FNIP1: variants seen among roughly 807,000 people sequenced by gnomAD.
The protein encoded by FNIP1 is folliculin interacting protein 1, also known as folliculin-interacting protein 1.
A neutral mutation model predicts 124.5 loss-of-function variants in FNIP1; 40 were observed. The ratio of observed to expected loss-of-function variants is 0.32; its 90% CI spans 0.25 to 0.42. The LOEUF (loss-of-function observed/expected upper bound fraction) is 0.42. FNIP1 is among the 10% of genes least tolerant of loss of function. The probability of loss-of-function intolerance (pLI) is 1.00; values close to 1 mark genes in which losing one functional copy is unlikely to be tolerated. For missense variants in FNIP1, 1,176 were observed against 1,403.7 expected, an observed-to-expected ratio of 0.84 and a Z score of 2.59; for synonymous variants, 472 against 470.6, an observed-to-expected ratio of 1.00 and a Z score of -0.04.
intron 8 of FNIP1, 147 bp from the exon 9 acceptor site, chr5:131,706,693 C>T: frequency 1.2e-6 from 1 of 825,228 alleles, no homozygotes; most frequent in Non-Finnish European, 1.7e-6. Context: ...ACACATCCTT[C>T]TTGTAGCAAG....
chr5:131,699,375 G>A (rs1428691181), intron 10 of FNIP1, among the ~76,000 whole-genome samples: 1 of 149,234 alleles, frequency 6.7e-6, no homozygotes, highest in Non-Finnish European at 1.5e-5. Context: ...ATATTTCACA[G>A]ATAACACTTC....
At chr5:131,729,222 A>G (rs1472738243) in intron 3 of FNIP1, among the ~76,000 whole-genome samples, 1 of 152,176 alleles carries the variant, frequency 6.6e-6, no homozygotes. Context: ...GTGCTGAGAG[A>G]TCCACTGTTC....
intron 15 of FNIP1, among the ~76,000 whole-genome samples, chr5:131,667,579 T>C (rs1462406514): frequency 1.3e-5 from 2 of 151,656 alleles, no homozygotes; most frequent in Non-Finnish European, 2.9e-5. Context: ...GTTTTTTTGT[T>C]TGTTTGTTTG....
At chr5:131,688,698 C>T (rs1225815833) in intron 11 of FNIP1, among the ~76,000 whole-genome samples, 1 of 83,722 alleles carries the variant, frequency 1.2e-5, no homozygotes, top group African/African-American at 3.7e-5. Flanking sequence ...GAAATGCTAG[C>T]AATTAAAAAA....
intron 11 of FNIP1, among the ~76,000 whole-genome samples, chr5:131,679,673 C>A (rs149194072): frequency 6.6e-6 from 1 of 152,178 alleles, no homozygotes; most frequent in Non-Finnish European, 1.5e-5. Flanking sequence ...TTAAGGACAG[C>A]GAGAACAGTA....
intron 15 of FNIP1, among the ~76,000 whole-genome samples, chr5:131,657,785 G>T (rs569894197): frequency 2.9e-5 from 4 of 137,520 alleles, no homozygotes; most frequent in African/African-American, 8.5e-5. Context: ...TCAAGATACG[G>T]ATCTTGCAAC....
At chr5:131,710,719 C>A in intron 6 of FNIP1, 58 bp from the exon 7 acceptor site, 2 of 1,484,998 alleles carry the variant, frequency 1.3e-6, no homozygotes, top group South Asian at 1.2e-5. Context: ...AGCCACAATG[C>A]GTCAGGGAAA....
chr5:131,751,582 AAAG>A lies in FNIP1; in HGVS notation c.93-6895_93-6893del, dbSNP rs534276949. Among the ~76,000 whole-genome samples, 564 of 152,122 alleles carry A rather than the reference AAAG, an allele frequency of 3.7e-3. 4 individuals are homozygous for A. Among genetic ancestry groups the A allele is most frequent in the African/African-American group, 0.013 (550 of 41,482 alleles). ...GGATTCCACAATCTGAAAAAAAAAAAAAGAAGAAGAAAAAACAAATGTGCTTTC... is the reference window on the plus strand; with the variant it reads ...GGATTCCACAATCTGAAAAAAAAAAAAAGAAGAAAAAACAAATGTGCTTTC... On this transcript the variant is annotated intron_variant, in intron 1 of 17. Transcript: ENST00000510461.
At chr5:131,742,139 A>AT (rs1770532146) in intron 2 of FNIP1, among the ~76,000 whole-genome samples, 1 of 152,120 alleles carries the variant, frequency 6.6e-6, no homozygotes, top group South Asian at 2.1e-4. Flanking sequence ...TTATGTTCTA[A>AT]TTTTTTTAAA....
At chr5:131,717,216 C>G (rs1442611248) in intron 5 of FNIP1, among the ~76,000 whole-genome samples, 4 of 150,870 alleles carry the variant, frequency 2.7e-5, no homozygotes, top group Non-Finnish European at 4.4e-5. Context: ...CAACTCCCAT[C>G]TATGAGTGAG....
rs540629682 is a variant in FNIP1, at chr5:131,701,791, A to G, written c.1116+2274T>C. On this transcript the variant is annotated intron_variant, in intron 10 of 17. Transcript: ENST00000510461. The stretch of plus-strand genomic sequence containing the variant: ...GTTTCAGCAGCCATATACAAAACAC[A>G]CTGCCAAGTTAATCTCCCCAAAGTA... 1.2e-3 allele frequency among the ~76,000 whole-genome samples: 178 copies of G among 152,282 alleles called. 1 individual carries two copies. The highest frequency in any genetic ancestry group is 4.1e-3 in the African/African-American group (172 of 41,548).
At chr5:131,692,003 T>A (rs1278344799) in intron 11 of FNIP1, among the ~76,000 whole-genome samples, 5 of 152,076 alleles carry the variant, frequency 3.3e-5, no homozygotes, top group African/African-American at 1.2e-4. Flanking sequence ...TACTGGAAGT[T>A]ATAGCTAGGG....
intron 16 of FNIP1, 130 bp from the exon 17 acceptor site, chr5:131,647,335 C>A: frequency 4.7e-6 from 3 of 641,908 alleles, no homozygotes; most frequent in Non-Finnish European, 5.4e-6. Context: ...ATTTGGAGCA[C>A]ATTTTTAAAG....
rs929644341 is a variant in FNIP1 at position 131,643,694 on chromosome 5, T to C, written c.*991A>G. On this transcript the variant is annotated 3_prime_UTR_variant, in exon 18 of 18. Coordinates refer to ENST00000510461, the MANE Select transcript of FNIP1 (RefSeq NM_133372.3). ...AGTTATGAATAGTGTAAATTGAGGA[T>C]TATTAAGCAGTGAAACAAATATTCA... The C allele has an allele frequency of 2.0e-5, 3 of 152,616 alleles. No individual in the cohort carries two copies. Among genetic ancestry groups the C allele is most frequent in the South Asian group, 2.1e-4 (1 of 4,828 alleles). 9.5% of individuals were successfully genotyped at this position (152,616 alleles called of 1,614,324 possible). A position where few individuals can be genotyped will look rare whatever the true frequency, so the allele number is the denominator to read the frequency against.
At chr5:131,706,360 T>C (rs912473069) in intron 9 of FNIP1, 51 bp downstream of exon 9, 1 of 1,464,346 alleles carries the variant, frequency 6.8e-7, no homozygotes, top group South Asian at 1.5e-5. Context: ...CATATAAAAT[T>C]GTGTTTAAGG....
At chr5:131,764,633 A>G (rs574506287) in intron 1 of FNIP1, among the ~76,000 whole-genome samples, 37 of 152,296 alleles carry the variant, frequency 2.4e-4, no homozygotes, top group Non-Finnish European at 4.7e-4. Flanking sequence ...TTAAAAATTA[A>G]GTACACAGTA....
At chr5:131,792,949 C>G (rs1447640248) in intron 1 of FNIP1, among the ~76,000 whole-genome samples, 1 of 152,196 alleles carries the variant, frequency 6.6e-6, no homozygotes, top group African/African-American at 2.4e-5. Context: ...CATTATTTAA[C>G]AAAACATTAA....
intron 1 of FNIP1, among the ~76,000 whole-genome samples, chr5:131,751,766 C>T (rs1219038090): frequency 2.0e-5 from 3 of 152,114 alleles, no homozygotes; most frequent in African/African-American, 7.2e-5. Flanking sequence ...AAAAAGGCTA[C>T]GTATGATGAT....
At chr5:131,790,372 G>C (rs1055768275) in intron 1 of FNIP1, among the ~76,000 whole-genome samples, 1 of 151,310 alleles carries the variant, frequency 6.6e-6, no homozygotes, top group South Asian at 2.1e-4. Flanking sequence ...CCAGCTATTC[G>C]GGAGGCTGAG....
Sources: gnomAD v4.1 joint callset for allele counts (sites outside exome capture counted in the v4.1 genomes callset) on GRCh38, gnomAD v4.1.1 for gene constraint, MANE v1.5 for transcripts, NCBI Gene and HGNC (gene_info 2026-07-23, HGNC 2026-07-21) for gene names.